Variants in ANKUB1 observed in about 807,000 individuals in gnomAD.
ANKUB1 encodes protein ANKUB1.
ANKUB1 carries 42 observed loss-of-function variants against 49.3 expected under a neutral mutation model. The ratio of observed to expected loss-of-function variants is 0.85; its 90% CI spans 0.67 to 1.10. ANKUB1 has a LOEUF of 1.10. Ranked by LOEUF, ANKUB1 falls within the 50% of genes least tolerant of loss-of-function variation. ANKUB1 has a pLI of 0.00. For missense variants in ANKUB1, 613 were observed against 642.0 expected (o/e 0.95, Z 0.49); for synonymous variants, 222 against 231.0 (o/e 0.96, Z 0.35).
intron 2 of ANKUB1, among the ~76,000 whole-genome samples, chr3:149,781,955 T>C (rs1264751733): frequency 6.6e-6 from 1 of 152,138 alleles, no homozygotes; most frequent in Non-Finnish European, 1.5e-5. Context: ...TTAAAGGACA[T>C]AGGATTGACT....
chr3:149,785,561 T>G (rs999012438), intron 2 of ANKUB1, among the ~76,000 whole-genome samples: 3 of 152,210 alleles, frequency 2.0e-5, no homozygotes, highest in African/African-American at 7.2e-5. Context: ...GTTTCCAGCT[T>G]CATCCATGTC....
chr3:149,774,438 T>C (rs1717499954), intron 3 of ANKUB1, among the ~76,000 whole-genome samples: 2 of 152,226 alleles, frequency 1.3e-5, no homozygotes, highest in Non-Finnish European at 2.9e-5. Flanking sequence ...GAAGGACTTA[T>C]ATGAGGCTAA....
chr3:149,762,380 C>T (rs1716819881), intron 5 of ANKUB1, among the ~76,000 whole-genome samples: 2 of 152,188 alleles, frequency 1.3e-5, no homozygotes, highest in African/African-American at 4.8e-5. Context: ...ACTTCTGTTT[C>T]CTTGTTCTAA....
intron 3 of ANKUB1, among the ~76,000 whole-genome samples, chr3:149,776,387 C>T (rs1184136920): frequency 1.3e-5 from 2 of 152,142 alleles, no homozygotes; most frequent in Admixed American, 1.3e-4. Flanking sequence ...GAGGAATGTA[C>T]CCCTCATAGG....
At chr3:149,765,127 A>G (rs118008862) in intron 5 of ANKUB1, among the ~76,000 whole-genome samples, 2,360 of 152,350 alleles carry the variant, frequency 0.015, 38 homozygotes, top group East Asian at 0.079. Context: ...ATACAAATGG[A>G]ATGCTACATA....
chr3:149,778,506 A>G (rs1009126559), intron 3 of ANKUB1: 19 of 152,232 alleles, frequency 1.2e-4, no homozygotes, highest in African/African-American at 4.3e-4. Flanking sequence ...ATAGTCAACC[A>G]GAGTTTTTCC....
chr3:149,773,179 C>T lies in ANKUB1; in HGVS notation c.452-2505G>A, dbSNP rs149328351. ...TGCTTCCCCTCTCTTTTCCTTCTTG[C>T]CTCCTCTGTACACGAACACGACAAA... On this transcript the variant is annotated intron_variant, in intron 3 of 5. Coordinates refer to ENST00000446160, the MANE Select transcript of ANKUB1 (RefSeq NM_001144960.3). Among the ~76,000 whole-genome samples the T allele has an allele frequency of 6.2e-3, 946 of 152,182 alleles. 6 individuals carry two copies. The highest frequency in any genetic ancestry group is 0.017 in the Middle Eastern group (5 of 294).
At chr3:149,765,568 A>G (rs780117867) in intron 5 of ANKUB1, among the ~76,000 whole-genome samples, 7 of 151,836 alleles carry the variant, frequency 4.6e-5, no homozygotes, top group Non-Finnish European at 8.8e-5. Context: ...ACACACACAC[A>G]CCTTAAAAAC....
intron 2 of ANKUB1, among the ~76,000 whole-genome samples, chr3:149,784,794 G>A (rs570224185): frequency 6.6e-6 from 1 of 152,256 alleles, no homozygotes; most frequent in African/African-American, 2.4e-5. Flanking sequence ...CACAGTAAGG[G>A]AGAGAATGGA....
At chr3:149,776,299 G>A (rs182912310) in intron 3 of ANKUB1, among the ~76,000 whole-genome samples, 12 of 151,950 alleles carry the variant, frequency 7.9e-5, no homozygotes, top group African/African-American at 1.7e-4. Flanking sequence ...TGACTCTTCC[G>A]TGTGCTTGCC....
At chr3:149,773,381 G>A (rs1717449437) in intron 3 of ANKUB1, among the ~76,000 whole-genome samples, 1 of 152,082 alleles carries the variant, frequency 6.6e-6, no homozygotes, top group Admixed American at 6.5e-5. Context: ...GGCCTGACCT[G>A]CGTTACTACC....
chr3:149,767,152 A>G lies in ANKUB1; in HGVS notation c.1505+5T>C. The G allele has an allele frequency of 1.3e-6, 2 of 1,508,744 alleles. No homozygotes were observed. The highest frequency in any genetic ancestry group is 2.4e-5 in the Admixed American group (1 of 42,320). The allele number at this position is 1,508,744 out of a possible 1,614,324, so 93.5% of individuals were successfully genotyped here. Reference sequence around the variant, plus strand: ...CTGTTTGTATGTTTAAGGGGAGAACATTACCTTGCCACAGCTAAGCAGTAG... The same window carrying G: ...CTGTTTGTATGTTTAAGGGGAGAACGTTACCTTGCCACAGCTAAGCAGTAG... On this transcript the variant is annotated splice_donor_5th_base_variant and intron_variant, in intron 5 of 5. Transcript: ENST00000446160.
intron 2 of ANKUB1, among the ~76,000 whole-genome samples, chr3:149,786,491 A>G (rs565386328): frequency 6.5e-4 from 99 of 152,356 alleles, no homozygotes; most frequent in African/African-American, 2.3e-3. Flanking sequence ...GCCATTTGTC[A>G]GATGGGTAGA....
At chr3:149,790,449 T>G (rs1302455256) in intron 2 of ANKUB1, among the ~76,000 whole-genome samples, 1 of 152,198 alleles carries the variant, frequency 6.6e-6, no homozygotes, top group East Asian at 1.9e-4. Flanking sequence ...ACCAAAGTGA[T>G]CTAATGCTCT....
intron 2 of ANKUB1, among the ~76,000 whole-genome samples, chr3:149,782,017 T>A (rs1576679673): frequency 6.6e-6 from 1 of 152,356 alleles, no homozygotes; most frequent in South Asian, 2.1e-4. Flanking sequence ...GGGAAGTATC[T>A]GTTCAAGCTA....
intron 3 of ANKUB1, among the ~76,000 whole-genome samples, chr3:149,776,002 A>T (rs1468910262): frequency 1.3e-5 from 2 of 152,192 alleles, no homozygotes; most frequent in East Asian, 3.9e-4. Flanking sequence ...TATACTTATC[A>T]TGATAGATTT....
rs1039404898 is a variant in ANKUB1, at chr3:149,764,805, T to C, written c.1505+2352A>G. ...CAAAATGTTTTCTCTAGAAATTTCT[T>C]TCTTGACCTTGAAATTGCCACTCAT... On this transcript the variant is annotated intron_variant, in intron 5 of 5. Coordinates refer to ENST00000446160, the MANE Select transcript of ANKUB1 (RefSeq NM_001144960.3). Among the ~76,000 whole-genome samples, 13 of 151,920 alleles carry C rather than the reference T, an allele frequency of 8.6e-5. No homozygotes were observed. In the East Asian group the frequency reaches 2.5e-3, roughly 29 times the overall value.
intron 2 of ANKUB1, among the ~76,000 whole-genome samples, chr3:149,782,487 A>G (rs955158956): frequency 6.6e-6 from 1 of 152,204 alleles, no homozygotes; most frequent in Non-Finnish European, 1.5e-5. Context: ...AAAGATAAGC[A>G]TGTATAACTT....
rs531516700 is a variant in ANKUB1, at chr3:149,786,575, C to T, written c.234+4206G>A. On this transcript the variant is annotated intron_variant, in intron 2 of 5. Coordinates refer to ENST00000446160, the MANE Select transcript of ANKUB1 (RefSeq NM_001144960.3). Reference sequence around the variant, plus strand: ...TAGTTTCTTTTGCTGTGCAGAAACTCTTTGGTTTAATTAGATCCCATTTAT... The same window carrying T: ...TAGTTTCTTTTGCTGTGCAGAAACTTTTTGGTTTAATTAGATCCCATTTAT... Among the ~76,000 whole-genome samples the T allele has an allele frequency of 6.6e-4, 100 of 152,270 alleles. 1 individual carries two copies. The highest frequency in any genetic ancestry group is 3.1e-3 in the South Asian group (15 of 4,830).
Sources: allele counts gnomAD v4.1 joint callset (sites outside exome capture counted in the v4.1 genomes callset), GRCh38; gene constraint gnomAD v4.1.1; transcripts MANE v1.5; gene names NCBI Gene and HGNC (gene_info 2026-07-23, HGNC 2026-07-21).